WWC2: variants seen among roughly 807,000 people sequenced by gnomAD.
The protein encoded by WWC2 is WW and C2 domain containing 2.
WWC2 carries 101 observed loss-of-function variants against 138.5 expected under a neutral mutation model. The observed-to-expected ratio is 0.73, with a 90% confidence interval of 0.62 to 0.86. WWC2 has a LOEUF of 0.86. Among genes scored for constraint, WWC2 ranks in the 40% least tolerant of loss-of-function variants. The probability of loss-of-function intolerance (pLI) is 0.00; values close to 1 mark genes in which losing one functional copy is unlikely to be tolerated. For synonymous variants in WWC2, 558 were observed against 538.4 expected, an observed-to-expected ratio of 1.04 and a Z score of -0.50; for missense variants, 1,420 against 1,419.4, an observed-to-expected ratio of 1.00 and a Z score of -0.01.
At chr4:183,192,701 A>G (rs1197283009) in intron 1 of WWC2, among the ~76,000 whole-genome samples, 1 of 152,202 alleles carries the variant, frequency 6.6e-6, no homozygotes, top group African/African-American at 2.4e-5. Flanking sequence ...GAGATTTTGT[A>G]TGTAAGAACC....
At chr4:183,224,425 A>G (rs1295175616) in intron 4 of WWC2, among the ~76,000 whole-genome samples, 1 of 152,148 alleles carries the variant, frequency 6.6e-6, no homozygotes, top group South Asian at 2.1e-4. Context: ...CCCCTGCATC[A>G]CCACTTCTGT....
chr4:183,182,178 G>A (rs1734651553), intron 1 of WWC2, among the ~76,000 whole-genome samples: 1 of 152,108 alleles, frequency 6.6e-6, no homozygotes, highest in African/African-American at 2.4e-5. Context: ...AGTAATACAG[G>A]TGTATTTTAA....
At chr4:183,150,010 T>TTC (rs1733595517) in intron 1 of WWC2, among the ~76,000 whole-genome samples, 1 of 152,156 alleles carries the variant, frequency 6.6e-6, no homozygotes, top group South Asian at 2.1e-4. Flanking sequence ...AGCTATGGGG[T>TTC]TCTCCTGGGA....
At chr4:183,164,277 TATATATATATATATATATATATAC>T (rs1456681045) in intron 1 of WWC2, among the ~76,000 whole-genome samples, 2,729 of 5,338 alleles carry the variant, frequency 0.51, 246 homozygotes, top group African/African-American at 0.51. Flanking sequence ...TATATATATA[TATATATATATATATATATATATAC>T]ATATATATAT....
At chr4:183,210,211 AC>A (rs1735558277) in intron 4 of WWC2, among the ~76,000 whole-genome samples, 2 of 152,030 alleles carry the variant, frequency 1.3e-5, no homozygotes, top group Admixed American at 1.3e-4. Flanking sequence ...TTATATGTTG[AC>A]CCTTAAAAGG....
Position 183,248,695 on chromosome 4 carries a change from C to CT in WWC2, c.733-16dup. 6.4e-7 allele frequency: 1 copy of CT among 1,566,166 alleles called. No individual in the cohort carries two copies. ...CTTACTTGTTAAGCTTTATGAAACA[C>CT]TTTGTGTTTTCTGAACAGAGTCTTG... On this transcript the variant is annotated intron_variant, in intron 6 of 22. Transcript: ENST00000403733.
chr4:183,292,348 A>G (rs899236236), intron 21 of WWC2, among the ~76,000 whole-genome samples: 1 of 92,300 alleles, frequency 1.1e-5, no homozygotes, highest in Non-Finnish European at 2.6e-5. Flanking sequence ...TCTCCATGGA[A>G]AAAAAAAAAA....
intron 21 of WWC2, among the ~76,000 whole-genome samples, chr4:183,305,478 A>G (rs1247644361): frequency 6.6e-6 from 1 of 152,002 alleles, no homozygotes; most frequent in East Asian, 1.9e-4. Flanking sequence ...CAAACTGCAG[A>G]AAATTAAAAA....
intron 21 of WWC2, among the ~76,000 whole-genome samples, chr4:183,290,226 A>G (rs931950446): frequency 6.6e-6 from 1 of 152,164 alleles, no homozygotes; most frequent in Non-Finnish European, 1.5e-5. Flanking sequence ...TAAAAAATAG[A>G]GTATTTTTGG....
chr4:183,248,743 T>C lies in WWC2; in HGVS notation c.762T>C (p.His254=), dbSNP rs1275401503. Residue 254 remains histidine, a synonymous_variant, in exon 7 of 23, where the codon CAT becomes CAC. Coordinates refer to ENST00000403733, the MANE Select transcript of WWC2 (RefSeq NM_024949.6). ...TTGCTAAGCTGCAGGAGCGGTTTCA[T>C]TTGGATCAGAACATTGGCAGATCTG... ...QSLAKLQERF[H]LDQNIGRSEP... 1 of 1,603,038 alleles carries C rather than the reference T, an allele frequency of 6.2e-7. No individual in the cohort carries two copies. Among genetic ancestry groups the C allele is most frequent in the Admixed American group, 1.7e-5 (1 of 58,648 alleles).
rs1250216540 is a variant in WWC2, at chr4:183,261,438, G to A, written c.1815G>A (p.Leu605=). The change falls in exon 11 of 23, where the codon TTG becomes TTA. Residue 605 remains leucine, a synonymous_variant. Transcript: ENST00000403733. ...ADISLIENQI[L]LDSDSGGASQ... is the part of the protein sequence containing the mutation. ...TCAGCCTCATCGAAAATCAGATTTT[G>A]CTGGATTCTGATTCAGGAGGAGCCT... The A allele has an allele frequency of 5.0e-6, 8 of 1,612,344 alleles. No individual in the cohort carries two copies. In the East Asian group the frequency reaches 1.8e-4, roughly 36 times the overall value.
intron 22 of WWC2, among the ~76,000 whole-genome samples, chr4:183,315,248 T>C (rs1208906609): frequency 6.6e-6 from 1 of 152,176 alleles, no homozygotes; most frequent in Non-Finnish European, 1.5e-5. Context: ...CCCGGCATGG[T>C]ATCGATGTAA....
intron 4 of WWC2, among the ~76,000 whole-genome samples, chr4:183,231,338 C>CAT (rs1300312636): frequency 7.4e-6 from 1 of 135,108 alleles, no homozygotes; most frequent in Non-Finnish European, 1.5e-5. Context: ...GGCGCGATCT[C>CAT]AGCTCATCAC....
intron 1 of WWC2, among the ~76,000 whole-genome samples, chr4:183,167,197 CGA>C (rs1448864529): frequency 1.3e-5 from 2 of 152,068 alleles, no homozygotes; most frequent in African/African-American, 4.8e-5. Context: ...TGCACTGATT[CGA>C]GAAAACCTAA....
chr4:183,122,126 GCT>G (rs1343988811), intron 1 of WWC2, among the ~76,000 whole-genome samples: 1 of 151,960 alleles, frequency 6.6e-6, no homozygotes, highest in Non-Finnish European at 1.5e-5. Context: ...CATATTCTTT[GCT>G]CTTTATTTTT....
chr4:183,158,441 C>T (rs1000655717), intron 1 of WWC2, among the ~76,000 whole-genome samples: 2 of 151,528 alleles, frequency 1.3e-5, no homozygotes, highest in African/African-American at 4.8e-5. Flanking sequence ...TTGCAGATGC[C>T]GTCTTCTCCT....
chr4:183,188,603 TC>T (rs1340384966), intron 1 of WWC2, among the ~76,000 whole-genome samples: 50 of 150,488 alleles, frequency 3.3e-4, no homozygotes, highest in African/African-American at 1.2e-3. Context: ...GATCTCTCTC[TC>T]TCTATCTAAT....
At chr4:183,188,888 C>G (rs1000531355) in intron 1 of WWC2, among the ~76,000 whole-genome samples, 1 of 151,854 alleles carries the variant, frequency 6.6e-6, no homozygotes, top group Non-Finnish European at 1.5e-5. Context: ...TCAGGTGATC[C>G]GTCCACCTTG....
At chr4:183,195,049 T>C (rs1439712703) in intron 2 of WWC2, among the ~76,000 whole-genome samples, 1 of 152,224 alleles carries the variant, frequency 6.6e-6, no homozygotes, top group Non-Finnish European at 1.5e-5. Context: ...AATAAATGTT[T>C]ATTGATATAC....
Sources: gnomAD v4.1 joint callset for allele counts (sites outside exome capture counted in the v4.1 genomes callset) on GRCh38, gnomAD v4.1.1 for gene constraint, MANE v1.5 for transcripts, NCBI Gene and HGNC (gene_info 2026-07-23, HGNC 2026-07-21) for gene names.